The following CNBD1 variants were observed in gnomAD, a reference collection of about 807,000 sequenced individuals.
The protein encoded by CNBD1 is cyclic nucleotide binding domain containing 1, also known as cyclic nucleotide-binding domain-containing protein 1.
In CNBD1, 71 loss-of-function variants were observed where a neutral mutation model predicts 54.4. The ratio of observed to expected loss-of-function variants is 1.30; its 90% CI spans 1.08 to 1.59. The LOEUF (loss-of-function observed/expected upper bound fraction) is 1.59. Among genes scored for constraint, CNBD1 ranks in the 40% most tolerant of loss-of-function variants. The pLI is 0.00. For missense variants in CNBD1, 659 were observed against 518.0 expected (o/e 1.27, Z -2.64); for synonymous variants, 182 against 170.7 (o/e 1.07, Z -0.51).
intron 2 of CNBD1, among the ~76,000 whole-genome samples, chr8:87,395,981 G>A (rs1166056432): frequency 6.6e-6 from 1 of 151,868 alleles, no homozygotes; most frequent in African/African-American, 2.4e-5. Flanking sequence ...ATAATTGTAA[G>A]TTTCCTGAGG....
At chr8:87,343,586 T>C (rs1162487043) in intron 8 of CNBD1, among the ~76,000 whole-genome samples, 2 of 152,234 alleles carry the variant, frequency 1.3e-5, no homozygotes, top group African/African-American at 2.4e-5. Flanking sequence ...TGTTAACCTT[T>C]CCTATGTGTT....
At chr8:87,121,656 C>G (rs1227278167) in intron 4 of CNBD1, among the ~76,000 whole-genome samples, 1 of 151,682 alleles carries the variant, frequency 6.6e-6, no homozygotes, top group Non-Finnish European at 1.5e-5. Context: ...AGCAATTACC[C>G]ATTTGTTCCC....
chr8:87,365,809 T>C lies in CNBD1; in HGVS notation c.1303+12023T>C, dbSNP rs141062456. Among the ~76,000 whole-genome samples, 590 of 152,198 alleles carry C rather than the reference T, an allele frequency of 3.9e-3. 6 individuals are homozygous for C. The highest frequency in any genetic ancestry group is 0.014 in the African/African-American group (565 of 41,564). On this transcript the variant is annotated intron_variant, in intron 10 of 10. Coordinates refer to ENST00000518476, the MANE Select transcript of CNBD1 (RefSeq NM_173538.3). ...TCAGAAGCAATTATTAGATTTCCAATAAATAACTGGTTTATTGAATAATTA... is the reference window on the plus strand; with the variant it reads ...TCAGAAGCAATTATTAGATTTCCAACAAATAACTGGTTTATTGAATAATTA...
intron 4 of CNBD1, among the ~76,000 whole-genome samples, chr8:87,177,982 A>G (rs1813233110): frequency 6.6e-6 from 1 of 152,230 alleles, no homozygotes; most frequent in African/African-American, 2.4e-5. Context: ...AACAGACATC[A>G]AAGTACAATT....
chr8:87,054,468 C>T (rs79598513), intron 4 of CNBD1, among the ~76,000 whole-genome samples: 3,761 of 152,254 alleles, frequency 0.025, 163 homozygotes, highest in African/African-American at 0.087. Context: ...TTGGAATCTC[C>T]CTGTTTCAAG....
chr8:87,375,102 A>G (rs550326007), intron 10 of CNBD1, among the ~76,000 whole-genome samples: 2 of 152,048 alleles, frequency 1.3e-5, no homozygotes, highest in Non-Finnish European at 2.9e-5. Context: ...ATGAAAATAT[A>G]TGTGCATAAA....
intron 1 of CNBD1, among the ~76,000 whole-genome samples, chr8:86,877,539 A>C (rs1808538976): frequency 6.6e-6 from 1 of 152,166 alleles, no homozygotes; most frequent in Non-Finnish European, 1.5e-5. Context: ...GTCTGTGACC[A>C]AAGTTTTTCA....
At chr8:87,029,829 C>A (rs1474970004) in intron 4 of CNBD1, among the ~76,000 whole-genome samples, 2 of 152,072 alleles carry the variant, frequency 1.3e-5, no homozygotes, top group Non-Finnish European at 2.9e-5. Context: ...TATTTATAAG[C>A]TTCTGAGGTT....
chr8:87,398,488 C>A (rs998379151), intron 2 of CNBD1, among the ~76,000 whole-genome samples: 2 of 151,908 alleles, frequency 1.3e-5, no homozygotes, highest in African/African-American at 4.8e-5. Flanking sequence ...ATATGTTTAA[C>A]CTGCATAAAA....
chr8:87,281,512 T>C lies in CNBD1; in HGVS notation c.772-3166T>C, dbSNP rs867417875. 2.6e-3 allele frequency among the ~76,000 whole-genome samples: 349 copies of C among 136,404 alleles called. 2 individuals carry two copies. Among genetic ancestry groups the C allele is most frequent in the African/African-American group, 8.5e-3 (323 of 38,168 alleles). 89.5% of individuals were successfully genotyped at this position (136,404 alleles called of 152,430 possible). A position where few individuals can be genotyped will look rare whatever the true frequency, so the allele number is the denominator to read the frequency against. On this transcript the variant is annotated intron_variant, in intron 6 of 10. Transcript: ENST00000518476. Reference sequence around the variant, plus strand: ...TTTTTAATATACTATCTACTATTTGTTTTTTTCATCAGAATTCTTCTAGGC... The same window carrying C: ...TTTTTAATATACTATCTACTATTTGCTTTTTTCATCAGAATTCTTCTAGGC...
At position 87,185,012 on chromosome 8, in the gene CNBD1, G is replaced by A. The variant is rs141954717; in HGVS notation, c.432-20981G>A. On this transcript the variant is annotated intron_variant, in intron 4 of 10. Transcript: ENST00000518476. ...GATTTTCATAAATATGTTATTTTCC[G>A]AATATATTTGGGAAATTTTCAGAGA... Among the ~76,000 whole-genome samples, 82 of 151,560 alleles carry A rather than the reference G, an allele frequency of 5.4e-4. No individual in the cohort carries two copies. In the East Asian group the frequency reaches 0.013, roughly 23 times the overall value.
At chr8:87,001,906 C>T (rs55935022) in intron 4 of CNBD1, among the ~76,000 whole-genome samples, 1 of 152,046 alleles carries the variant, frequency 6.6e-6, no homozygotes, top group Admixed American at 6.5e-5. Context: ...TAGGAAGTCA[C>T]CTTTGTCTTT....
chr8:86,983,219 A>T (rs1808527137), intron 4 of CNBD1, among the ~76,000 whole-genome samples: 1 of 152,136 alleles, frequency 6.6e-6, no homozygotes, highest in Non-Finnish European at 1.5e-5. Flanking sequence ...ATGGTTTTAA[A>T]AAGGGGAGTT....
At chr8:87,238,573 A>G (rs993944980) in intron 6 of CNBD1, among the ~76,000 whole-genome samples, 3 of 151,838 alleles carry the variant, frequency 2.0e-5, no homozygotes, top group Non-Finnish European at 1.5e-5. Flanking sequence ...AAATAATAAT[A>G]AAAAAATACT....
chr8:87,341,579 G>A (rs1000572004), intron 8 of CNBD1, among the ~76,000 whole-genome samples: 1 of 152,154 alleles, frequency 6.6e-6, no homozygotes, highest in Non-Finnish European at 1.5e-5. Flanking sequence ...AGTATTAAGA[G>A]GTGGAATGTT....
intron 4 of CNBD1, among the ~76,000 whole-genome samples, chr8:86,948,532 T>C (rs915588302): frequency 1.4e-4 from 21 of 152,220 alleles, no homozygotes; most frequent in Non-Finnish European, 2.4e-4. Context: ...TCTTTTCATA[T>C]GCCTATTTGC....
chr8:86,992,064 TCTTA>T (rs1427274020), intron 4 of CNBD1, among the ~76,000 whole-genome samples: 2 of 152,142 alleles, frequency 1.3e-5, no homozygotes, highest in African/African-American at 4.8e-5. Context: ...AGATGTTCTT[TCTTA>T]GTTTTCTGCC....
chr8:87,277,205 A>G (rs1045166682), intron 6 of CNBD1, among the ~76,000 whole-genome samples: 1 of 151,656 alleles, frequency 6.6e-6, no homozygotes, highest in Admixed American at 6.6e-5. Flanking sequence ...TGATGGCTGA[A>G]AACTGCTATA....
chr8:87,132,788 T>A (rs1020564979), intron 4 of CNBD1, among the ~76,000 whole-genome samples: 2 of 144,698 alleles, frequency 1.4e-5, no homozygotes, highest in African/African-American at 5.3e-5. Context: ...AATTTGCATA[T>A]ATATATGTGT....
Sources: gnomAD v4.1 joint callset for allele counts (sites outside exome capture counted in the v4.1 genomes callset) on GRCh38, gnomAD v4.1.1 for gene constraint, MANE v1.5 for transcripts, NCBI Gene and HGNC (gene_info 2026-07-23, HGNC 2026-07-21) for gene names.